The following RFX3 variants were observed in gnomAD, a reference collection of about 807,000 sequenced individuals.
RFX3 encodes the protein regulatory factor X3, also known as transcription factor RFX3.
A neutral mutation model predicts 98.6 loss-of-function variants in RFX3; 14 were observed. That is an observed-to-expected ratio of 0.14 (90% CI 0.09 to 0.22). The LOEUF is 0.22. Among genes scored for constraint, RFX3 ranks in the 10% least tolerant of loss-of-function variants. RFX3 has a pLI of 1.00. For missense variants in RFX3, 639 were observed against 926.9 expected, an observed-to-expected ratio of 0.69 and a Z score of 4.03; for synonymous variants, 383 against 328.4, an observed-to-expected ratio of 1.17 and a Z score of -1.80.
intron 1 of RFX3, among the ~76,000 whole-genome samples, chr9:3,478,988 G>GC (rs1174132940): frequency 6.6e-6 from 1 of 152,148 alleles, no homozygotes; most frequent in African/African-American, 2.4e-5. Context: ...CCAGGGAGCT[G>GC]CAAGTTGGGA....
At chr9:3,488,731 G>C (rs1490879873) in intron 1 of RFX3, 1 of 971,352 alleles carries the variant, frequency 1.0e-6, no homozygotes, top group African/African-American at 1.8e-5. Flanking sequence ...TAAAATTGTA[G>C]AAAATGCATA....
At chr9:3,347,626 C>G in intron 2 of RFX3, among the ~76,000 whole-genome samples, 1 of 152,052 alleles carries the variant, frequency 6.6e-6, no homozygotes, top group Admixed American at 6.6e-5. Context: ...GAGTTCAAGA[C>G]CAGTCTCCTG....
chr9:3,238,962 C>T (rs1445982246), intron 15 of RFX3, among the ~76,000 whole-genome samples: 3 of 151,194 alleles, frequency 2.0e-5, no homozygotes, highest in Non-Finnish European at 2.9e-5. Context: ...CACCATTGCA[C>T]TCCAGCCTGG....
chr9:3,408,610 TCTCA>T (rs1031801443), intron 1 of RFX3, among the ~76,000 whole-genome samples: 9 of 150,492 alleles, frequency 6.0e-5, no homozygotes, highest in African/African-American at 2.0e-4. Flanking sequence ...TCTCTCTCTC[TCTCA>T]CACACACACA....
chr9:3,290,143 T>G lies in RFX3; in HGVS notation c.732-1893A>C, dbSNP rs560557774. Among the ~76,000 whole-genome samples, 36 of 152,054 alleles carry G rather than the reference T, an allele frequency of 2.4e-4. No individual in the cohort carries two copies. In the South Asian group the frequency reaches 7.1e-3, roughly 30 times the overall value. On this transcript the variant is annotated intron_variant, in intron 6 of 16. Transcript: ENST00000617270. Reference sequence around the variant, plus strand: ...TTAAACTCCCTCCATAGTACTTATTTTCTCCTTATTTTTCTAGGGTTTGCT... The same window carrying G: ...TTAAACTCCCTCCATAGTACTTATTGTCTCCTTATTTTTCTAGGGTTTGCT...
chr9:3,421,019 C>CAAAAAAAAAA (rs145747158), intron 1 of RFX3: 1 of 177,292 alleles, frequency 5.6e-6, no homozygotes, highest in African/African-American at 3.0e-5. Flanking sequence ...TACTATGTGC[C>CAAAAAAAAAA]AAAAAAAAAA....
intron 3 of RFX3, among the ~76,000 whole-genome samples, chr9:3,333,890 C>T (rs1245382351): frequency 1.3e-5 from 2 of 152,070 alleles, no homozygotes; most frequent in African/African-American, 4.8e-5. Flanking sequence ...ATGCAGCAGA[C>T]ACTATTCTAT....
intron 1 of RFX3, among the ~76,000 whole-genome samples, chr9:3,505,333 T>A (rs1291993547): frequency 3.9e-5 from 2 of 50,642 alleles, no homozygotes; most frequent in South Asian, 7.4e-4. Flanking sequence ...TATTTATATT[T>A]TATATAAATA....
intron 4 of RFX3, among the ~76,000 whole-genome samples, chr9:3,327,059 T>C (rs1179872288): frequency 5.9e-5 from 9 of 152,124 alleles, no homozygotes; most frequent in African/African-American, 2.2e-4. Flanking sequence ...ATAGGCTCAA[T>C]GTTTGGAAAG....
chr9:3,262,268 A>G (rs1823011273), intron 13 of RFX3, among the ~76,000 whole-genome samples: 1 of 152,194 alleles, frequency 6.6e-6, no homozygotes, highest in Admixed American at 6.6e-5. Context: ...ATTTATTGAT[A>G]TTGAAACTCT....
intron 7 of RFX3, among the ~76,000 whole-genome samples, chr9:3,287,051 T>C (rs1391484051): frequency 6.6e-6 from 1 of 151,918 alleles, no homozygotes; most frequent in African/African-American, 2.4e-5. Context: ...TTTTTTTCCA[T>C]TCTCCATGTG....
chr9:3,244,525 C>T (rs1490190774), intron 15 of RFX3, among the ~76,000 whole-genome samples: 4 of 152,154 alleles, frequency 2.6e-5, no homozygotes, highest in South Asian at 2.1e-4. Flanking sequence ...GGTGCTTGAA[C>T]GTTAGGTTTC....
At chr9:3,301,353 A>G (rs1375005098) in intron 5 of RFX3, among the ~76,000 whole-genome samples, 193 bp downstream of exon 5, 1 of 151,938 alleles carries the variant, frequency 6.6e-6, no homozygotes, top group Non-Finnish European at 1.5e-5. Context: ...CTAATAAATT[A>G]TACTGGAGAC....
chr9:3,394,335 C>T (rs757389500), intron 2 of RFX3, among the ~76,000 whole-genome samples: 1 of 152,000 alleles, frequency 6.6e-6, no homozygotes, highest in Non-Finnish European at 1.5e-5. Context: ...TGGTGGCAGG[C>T]ACCTGTAGTC....
At chr9:3,424,485 C>T (rs945555111) in intron 1 of RFX3, among the ~76,000 whole-genome samples, 1 of 150,704 alleles carries the variant, frequency 6.6e-6, no homozygotes, top group Non-Finnish European at 1.5e-5. Flanking sequence ...CCTCAGCCTC[C>T]CGAGTAGCTG....
chr9:3,519,017 C>T (rs886837333), intron 1 of RFX3, among the ~76,000 whole-genome samples: 2 of 152,138 alleles, frequency 1.3e-5, no homozygotes, highest in African/African-American at 4.8e-5. Flanking sequence ...TTACTGACTA[C>T]ATTCAGTATA....
In RFX3 at chr9:3,525,191, G is replaced by A. The variant is rs182854781; in HGVS notation, c.-9+556C>T. On this transcript the variant is annotated intron_variant, in intron 1 of 16. Coordinates refer to ENST00000617270, the MANE Select transcript of RFX3 (RefSeq NM_001282116.2). ...TGGGAAAAGTTCACCAACGTATGAG[G>A]ATTAAAAATAACAAAACCCATAACA... 2.1e-3 allele frequency among the ~76,000 whole-genome samples: 325 copies of A among 152,096 alleles called. 1 individual carries two copies. Among genetic ancestry groups the A allele is most frequent in the Middle Eastern group, 6.8e-3 (2 of 294 alleles).
At chr9:3,243,896 C>T (rs781271063) in intron 15 of RFX3, among the ~76,000 whole-genome samples, 2 of 152,162 alleles carry the variant, frequency 1.3e-5, no homozygotes, top group Non-Finnish European at 2.9e-5. Flanking sequence ...ACTTTGGTGC[C>T]AGACTGCGTG....
At chr9:3,402,931 T>C (rs1295335005) in intron 1 of RFX3, among the ~76,000 whole-genome samples, 1 of 151,806 alleles carries the variant, frequency 6.6e-6, no homozygotes, top group Non-Finnish European at 1.5e-5. Flanking sequence ...AAAAAACACC[T>C]AAGGACATTA....
Sources: gnomAD v4.1 joint callset for allele counts (sites outside exome capture counted in the v4.1 genomes callset) on GRCh38, gnomAD v4.1.1 for gene constraint, MANE v1.5 for transcripts, NCBI Gene and HGNC (gene_info 2026-07-23, HGNC 2026-07-21) for gene names.